Variants in TTC28 observed in about 807,000 individuals in gnomAD.
The protein encoded by TTC28 is tetratricopeptide repeat protein 28.
TTC28 carries 61 observed loss-of-function variants against 198.0 expected under a neutral mutation model. The observed-to-expected ratio is 0.31, with a 90% CI of 0.25 to 0.38. The LOEUF (loss-of-function observed/expected upper bound fraction) is 0.38, where lower values mean the gene tolerates loss of function less well. Among genes scored for constraint, TTC28 ranks in the 10% least tolerant of loss-of-function variants. TTC28 has a pLI of 1.00. For synonymous variants in TTC28, 1,171 were observed against 1,297.8 expected, an observed-to-expected ratio of 0.90 and a Z score of 2.10; for missense variants, 2,678 against 3,164.0, an observed-to-expected ratio of 0.85 and a Z score of 3.69.
chr22:28,286,250 C>A (rs1188174210), intron 5 of TTC28, among the ~76,000 whole-genome samples: 1 of 151,916 alleles, frequency 6.6e-6, no homozygotes, highest in Non-Finnish European at 1.5e-5. Flanking sequence ...GGCTACAACC[C>A]CACTAATAGA....
chr22:28,536,603 G>A (rs968073876), intron 2 of TTC28, among the ~76,000 whole-genome samples: 2 of 152,070 alleles, frequency 1.3e-5, no homozygotes, highest in African/African-American at 2.4e-5. Flanking sequence ...CAGCCTGGGC[G>A]ACAGAGCGAG....
chr22:28,576,094 A>AT (rs1601584974), intron 2 of TTC28, among the ~76,000 whole-genome samples: 1 of 151,262 alleles, frequency 6.6e-6, no homozygotes, highest in Non-Finnish European at 1.5e-5. Flanking sequence ...AAGTCTTTCG[A>AT]TTTTTCCCCA....
intron 2 of TTC28, among the ~76,000 whole-genome samples, chr22:28,445,889 T>C (rs1426682607): frequency 1.1e-4 from 16 of 149,942 alleles, no homozygotes; most frequent in African/African-American, 2.2e-4. Flanking sequence ...CACACACACA[T>C]ATGTATTTCT....
intron 12 of TTC28, among the ~76,000 whole-genome samples, chr22:28,041,827 C>G (rs1939650953): frequency 6.6e-6 from 1 of 152,018 alleles, no homozygotes. Flanking sequence ...TCTTTGCAAT[C>G]TACACATGTG....
Position 27,993,274 on chromosome 22 carries a change from A to G in TTC28, c.5476+13T>C, listed in dbSNP as rs1476659468. ...GCCAGGCCTGTTGCCCCAGCCCTAC[A>G]CCCACAGCTCACCCAGCAGGGACTG... On this transcript the variant is annotated intron_variant, in intron 18 of 22. Coordinates refer to ENST00000397906, the MANE Select transcript of TTC28 (RefSeq NM_001145418.2). 2 of 1,513,270 alleles carry G rather than the reference A, an allele frequency of 1.3e-6. No individual in the cohort carries two copies. The highest frequency in any genetic ancestry group is 1.8e-6 in the Non-Finnish European group (2 of 1,130,018). 93.7% of individuals were successfully genotyped at this position (1,513,270 alleles called of 1,614,324 possible).
chr22:28,631,577 G>A (rs2051174051), intron 1 of TTC28, among the ~76,000 whole-genome samples: 2 of 152,130 alleles, frequency 1.3e-5, no homozygotes. Context: ...AGGCTGGAGT[G>A]CAGTGGTGTG....
At chr22:28,303,611 TTGTCCCTGCCTTAAAAGAA>T (rs2045071830) in intron 3 of TTC28, 1 of 152,062 alleles carries the variant, frequency 6.6e-6, no homozygotes, top group African/African-American at 2.4e-5. Flanking sequence ...TTAATTTAGG[TTGTCCCTGCCTTAAAAGAA>T]ATAAAATCTT....
chr22:28,091,438 G>A (rs528006384), intron 12 of TTC28, among the ~76,000 whole-genome samples: 1 of 152,298 alleles, frequency 6.6e-6, no homozygotes, highest in South Asian at 2.1e-4. Flanking sequence ...ATTGCCATAA[G>A]GGAGAGGCCA....
Position 27,990,779 on chromosome 22 carries a change from T to A in TTC28, c.5577+10A>T. 6.5e-7 allele frequency: 1 copy of A among 1,550,284 alleles called. No individual in the cohort carries two copies. The highest frequency in any genetic ancestry group is 8.7e-7 in the Non-Finnish European group (1 of 1,146,782). On this transcript the variant is annotated intron_variant, in intron 20 of 22. Transcript: ENST00000397906. ...ACCTGACAACAGTTGCTACTTAAAG[T>A]AGTACTCACCATTCCAACCATATTT... is the stretch of plus-strand genomic sequence containing the variant.
chr22:28,029,065 A>C lies in TTC28; in HGVS notation c.4073+1161T>G, dbSNP rs751368330. On this transcript the variant is annotated intron_variant, in intron 13 of 22. Coordinates refer to ENST00000397906, the MANE Select transcript of TTC28 (RefSeq NM_001145418.2). ...TCACTGGCTGAGAAGTTGGCAGAGC[A>C]AGAACATGTGTCCAGGCCCAATCCC... 100 of 471,078 alleles carry C rather than the reference A, an allele frequency of 2.1e-4. 1 individual carries two copies. The highest frequency in any genetic ancestry group is 4.0e-5 in the Non-Finnish European group (9 of 227,056). The allele number at this position is 471,078 out of a possible 1,614,324, so 29.2% of individuals were successfully genotyped here.
chr22:28,444,422 T>G (rs2047672212), intron 2 of TTC28, among the ~76,000 whole-genome samples: 1 of 152,334 alleles, frequency 6.6e-6, no homozygotes, highest in South Asian at 2.1e-4. Flanking sequence ...AAACAATTAG[T>G]TAACTCAAAG....
chr22:28,191,503 C>T (rs537409298), intron 5 of TTC28, among the ~76,000 whole-genome samples: 114 of 152,328 alleles, frequency 7.5e-4, no homozygotes, highest in African/African-American at 2.5e-3. Context: ...TCGCCTCACC[C>T]GGGAAGCACA....
In TTC28 at chr22:27,978,996, C is replaced by T. The variant is rs1479537313; in HGVS notation, c.*3225G>A. 1.3e-5 allele frequency: 2 copies of T among 152,204 alleles called. No individual in the cohort carries two copies. The highest frequency in any genetic ancestry group is 4.8e-5 in the African/African-American group (2 of 41,444). The allele number at this position is 152,204 out of a possible 1,614,324, so 9.4% of individuals were successfully genotyped here. ...TTTGTAAATATTACATCCATGGACT[C>T]CTCCCAAGTGGGACAAAGAGCCAAG... On this transcript the variant is annotated 3_prime_UTR_variant, in exon 23 of 23. Coordinates refer to ENST00000397906, the MANE Select transcript of TTC28 (RefSeq NM_001145418.2).
chr22:28,034,790 AG>A (rs1939269313), intron 12 of TTC28, among the ~76,000 whole-genome samples: 2 of 152,196 alleles, frequency 1.3e-5, no homozygotes, highest in Admixed American at 6.5e-5. Flanking sequence ...GTCCAGAGGC[AG>A]GCAGTAGCTG....
At chr22:28,470,227 TA>T (rs2048080559) in intron 2 of TTC28, among the ~76,000 whole-genome samples, 1 of 152,182 alleles carries the variant, frequency 6.6e-6, no homozygotes, top group African/African-American at 2.4e-5. Context: ...GAAACTAATA[TA>T]GAGACAATGT....
chr22:28,504,228 A>G (rs549390220), intron 2 of TTC28, among the ~76,000 whole-genome samples: 2 of 152,308 alleles, frequency 1.3e-5, no homozygotes, highest in South Asian at 4.1e-4. Flanking sequence ...ATATCCTTCT[A>G]GTAACTGTCT....
At chr22:28,519,001 A>G (rs1254145534) in intron 2 of TTC28, among the ~76,000 whole-genome samples, 1 of 152,200 alleles carries the variant, frequency 6.6e-6, no homozygotes, top group Non-Finnish European at 1.5e-5. Flanking sequence ...ATTTCTAGCC[A>G]CCCTCTGAAA....
chr22:28,288,812 CAAA>C (rs397953776), intron 5 of TTC28, among the ~76,000 whole-genome samples: 3 of 112,810 alleles, frequency 2.7e-5, no homozygotes, highest in African/African-American at 3.9e-5. Flanking sequence ...GACTCCGTTT[CAAA>C]AAAAAAAAAA....
At chr22:28,072,018 A>C (rs970488922) in intron 12 of TTC28, among the ~76,000 whole-genome samples, 3 of 152,214 alleles carry the variant, frequency 2.0e-5, no homozygotes, top group African/African-American at 7.2e-5. Context: ...TGTGGATGTT[A>C]GCTCAAGGTC....
Sources: allele counts gnomAD v4.1 joint callset (sites outside exome capture counted in the v4.1 genomes callset), GRCh38; gene constraint gnomAD v4.1.1; transcripts MANE v1.5; gene names NCBI Gene and HGNC (gene_info 2026-07-23, HGNC 2026-07-21).